The following GRIP1 variants were observed in gnomAD, a reference collection of about 807,000 sequenced individuals.
GRIP1 encodes glutamate receptor-interacting protein 1.
In GRIP1, 45 loss-of-function variants were observed where a neutral mutation model predicts 129.9. That is an observed-to-expected ratio of 0.35 (90% confidence interval 0.27 to 0.44). The LOEUF (loss-of-function observed/expected upper bound fraction) is 0.44, where lower values mean the gene tolerates loss of function less well. Ranked by LOEUF, GRIP1 falls within the 20% of genes least tolerant of loss-of-function variation. The probability of loss-of-function intolerance (pLI) is 1.00; values close to 1 mark genes in which losing one functional copy is unlikely to be tolerated. For missense variants in GRIP1, 1,196 were observed against 1,396.8 expected, an observed-to-expected ratio of 0.86 and a Z score of 2.29; for synonymous variants, 530 against 520.8, an observed-to-expected ratio of 1.02 and a Z score of -0.24.
chr12:66,525,545 C>G (rs917276852), intron 5 of GRIP1, among the ~76,000 whole-genome samples: 220 of 151,752 alleles, frequency 1.4e-3, no homozygotes, highest in Non-Finnish European at 2.6e-3. Flanking sequence ...ATAATAAGAG[C>G]TATCTATGAC....
chr12:67,036,336 CT>C (rs71436032), intron 1 of GRIP1, among the ~76,000 whole-genome samples: 37,661 of 145,648 alleles, frequency 0.26, 4,770 homozygotes, highest in Non-Finnish European at 0.31. Flanking sequence ...ATAAGGATGT[CT>C]TTTTTTTTTT....
intron 1 of GRIP1, among the ~76,000 whole-genome samples, chr12:67,050,699 T>C (rs918360949): frequency 6.6e-6 from 1 of 152,136 alleles, no homozygotes; most frequent in Non-Finnish European, 1.5e-5. Context: ...TATGGTAGCA[T>C]TTCTCCATGC....
At chr12:66,865,037 T>TA (rs1390547557) in intron 1 of GRIP1, among the ~76,000 whole-genome samples, 3 of 152,120 alleles carry the variant, frequency 2.0e-5, no homozygotes, top group African/African-American at 7.2e-5. Flanking sequence ...ATAGTTAATT[T>TA]TTAAATTAGA....
At chr12:66,874,641 A>G (rs1002160185) in intron 1 of GRIP1, among the ~76,000 whole-genome samples, 1 of 151,790 alleles carries the variant, frequency 6.6e-6, no homozygotes. Context: ...GAGCAGAAGG[A>G]AGAGAGAGAG....
intron 1 of GRIP1, among the ~76,000 whole-genome samples, chr12:66,619,288 T>G (rs1363683271): frequency 6.6e-6 from 1 of 152,122 alleles, no homozygotes; most frequent in Non-Finnish European, 1.5e-5. Context: ...AAAGGTACTT[T>G]TGGATGGGCA....
intron 1 of GRIP1, among the ~76,000 whole-genome samples, chr12:66,975,834 T>C (rs947951157): frequency 2.6e-5 from 4 of 152,150 alleles, no homozygotes; most frequent in African/African-American, 9.7e-5. Flanking sequence ...TGGACACAGA[T>C]GAATGATACA....
At chr12:66,562,706 C>T (rs531118353) in intron 2 of GRIP1, among the ~76,000 whole-genome samples, 3 of 152,072 alleles carry the variant, frequency 2.0e-5, no homozygotes, top group South Asian at 2.1e-4. Flanking sequence ...TATGTATGTA[C>T]GTATAATACA....
chr12:66,647,548 C>T (rs1592697630), intron 1 of GRIP1, among the ~76,000 whole-genome samples: 1 of 152,136 alleles, frequency 6.6e-6, no homozygotes, highest in African/African-American at 2.4e-5. Flanking sequence ...GTTCATGGTC[C>T]TCCTGCATCT....
intron 13 of GRIP1, among the ~76,000 whole-genome samples, chr12:66,435,737 C>G (rs1228051449): frequency 1.3e-5 from 2 of 152,020 alleles, no homozygotes; most frequent in Admixed American, 6.5e-5. Context: ...GAAACTTGAC[C>G]AAGATTAACA....
intron 1 of GRIP1, among the ~76,000 whole-genome samples, chr12:66,607,642 C>G (rs370713088): frequency 6.6e-6 from 1 of 152,124 alleles, no homozygotes; most frequent in Non-Finnish European, 1.5e-5. Context: ...CTGAGTCTGC[C>G]TTTCCTTACC....
chr12:66,494,448 T>C (rs1480751139), intron 7 of GRIP1, among the ~76,000 whole-genome samples: 1 of 152,250 alleles, frequency 6.6e-6, no homozygotes. Context: ...ATAGTTTCTT[T>C]CAATCTTCTG....
At chr12:66,909,537 TC>T (rs1184762549) in intron 1 of GRIP1, among the ~76,000 whole-genome samples, 1 of 152,206 alleles carries the variant, frequency 6.6e-6, no homozygotes, top group Non-Finnish European at 1.5e-5. Context: ...GTTTAAGGCT[TC>T]TTCCCTGACC....
intron 1 of GRIP1, among the ~76,000 whole-genome samples, chr12:66,652,854 GC>G (rs1422925811): frequency 6.6e-6 from 1 of 152,170 alleles, no homozygotes; most frequent in African/African-American, 2.4e-5. Context: ...GCCTGTGTAT[GC>G]CTTGCATATG....
chr12:66,629,946 T>C (rs1385366200), intron 1 of GRIP1, among the ~76,000 whole-genome samples: 1 of 152,238 alleles, frequency 6.6e-6, no homozygotes, highest in Admixed American at 6.5e-5. Context: ...GGGTTTTTAC[T>C]CTATTAAGTA....
chr12:66,442,387 C>T (rs1243783434), intron 13 of GRIP1, among the ~76,000 whole-genome samples: 2 of 152,156 alleles, frequency 1.3e-5, no homozygotes, highest in African/African-American at 4.8e-5. Context: ...AAGGCTTACC[C>T]GTCTCAGCTT....
Position 66,654,446 on chromosome 12 carries a change from C to T in GRIP1, c.55+24404G>A, listed in dbSNP as rs147379454. The stretch of plus-strand genomic sequence containing the variant: ...AATTTTGTGAAAATGAAACACCATA[C>T]GCAAAATCATGGAAGTTGAATGTGG... On this transcript the variant is annotated intron_variant, in intron 1 of 24. Transcript: ENST00000359742. Among the ~76,000 whole-genome samples, 17 of 152,224 alleles carry T rather than the reference C, an allele frequency of 1.1e-4. No homozygotes were observed. The East Asian group carries it at 1.4e-3, about 12-fold the overall frequency.
intron 2 of GRIP1, among the ~76,000 whole-genome samples, chr12:66,579,376 G>A (rs189428910): frequency 2.6e-4 from 39 of 152,346 alleles, no homozygotes; most frequent in African/African-American, 8.9e-4. Context: ...AAGGATCGCA[G>A]TTCCTCACCA....
chr12:67,045,323 AC>A (rs2043237616), intron 1 of GRIP1, among the ~76,000 whole-genome samples: 1 of 152,174 alleles, frequency 6.6e-6, no homozygotes, highest in Admixed American at 6.6e-5. Flanking sequence ...GAGAAATTCT[AC>A]ATGAACTTTT....
chr12:66,801,336 C>T (rs187037305), intron 1 of GRIP1, among the ~76,000 whole-genome samples: 9 of 152,070 alleles, frequency 5.9e-5, no homozygotes, highest in African/African-American at 1.7e-4. Context: ...TGTACATTGA[C>T]ATACATCAAG....
Sources: allele counts gnomAD v4.1 joint callset (sites outside exome capture counted in the v4.1 genomes callset), GRCh38; gene constraint gnomAD v4.1.1; transcripts MANE v1.5; gene names NCBI Gene and HGNC (gene_info 2026-07-23, HGNC 2026-07-21).